Variants in TRMT10A observed in about 807,000 individuals in gnomAD.
The protein encoded by TRMT10A is tRNA methyltransferase 10A.
Under a neutral mutation model 40.4 loss-of-function variants are expected in TRMT10A, and 37 were observed. The observed-to-expected ratio is 0.92, with a 90% CI of 0.71 to 1.21. The LOEUF is 1.21. Ranked by LOEUF, TRMT10A falls within the 50% of genes most tolerant of loss-of-function variation. TRMT10A has a pLI of 0.00. For missense variants in TRMT10A, 388 were observed against 404.3 expected, an observed-to-expected ratio of 0.96 and a Z score of 0.35; for synonymous variants, 103 against 134.1, an observed-to-expected ratio of 0.77 and a Z score of 1.60.
Position 99,547,148 on chromosome 4 carries a change from T to C in TRMT10A, c.*1940A>G, listed in dbSNP as rs916927658. ...CCTAGAAAAAGAGTTTGGACACGGA[T>C]ACAAACATAGAAGACAGGGTAGAAG... is the stretch of plus-strand genomic sequence containing the variant. On this transcript the variant is annotated 3_prime_UTR_variant, in exon 8 of 8. Coordinates refer to ENST00000394876, the MANE Select transcript of TRMT10A (RefSeq NM_001134665.3). 16 of 152,096 alleles carry C rather than the reference T, an allele frequency of 1.1e-4. No homozygotes were observed. The highest frequency in any genetic ancestry group is 3.6e-4 in the African/African-American group (15 of 41,406). The allele number at this position is 152,096 out of a possible 1,614,324, so 9.4% of individuals were successfully genotyped here.
intron 7 of TRMT10A, among the ~76,000 whole-genome samples, chr4:99,550,504 CA>C (rs1326764295): frequency 6.6e-6 from 1 of 152,030 alleles, no homozygotes; most frequent in Non-Finnish European, 1.5e-5. Flanking sequence ...CCACCATTAA[CA>C]ATCATTCAAT....
At chr4:99,552,883 C>T (rs1194720562) in intron 6 of TRMT10A, among the ~76,000 whole-genome samples, 1 of 151,476 alleles carries the variant, frequency 6.6e-6, no homozygotes, top group Non-Finnish European at 1.5e-5. Flanking sequence ...GGTTTGCATA[C>T]TTGGTGGGGG....
intron 4 of TRMT10A, among the ~76,000 whole-genome samples, chr4:99,556,966 G>A (rs1314301434): frequency 6.6e-6 from 1 of 152,128 alleles, no homozygotes; most frequent in Non-Finnish European, 1.5e-5. Flanking sequence ...CTATACAACA[G>A]ATACCACGAC....
intron 1 of TRMT10A, among the ~76,000 whole-genome samples, chr4:99,559,856 C>T (rs1724315777): frequency 6.6e-6 from 1 of 151,948 alleles, no homozygotes; most frequent in Admixed American, 6.6e-5. Flanking sequence ...CTTATATATC[C>T]AAAAATATTT....
rs1210772610 is a variant in TRMT10A at position 99,548,872 on chromosome 4, C to G, written c.*216G>C. 2 of 418,994 alleles carry G rather than the reference C, an allele frequency of 4.8e-6. No individual in the cohort carries two copies. The highest frequency in any genetic ancestry group is 4.1e-5 in the Admixed American group (1 of 24,600). The allele number at this position is 418,994 out of a possible 1,614,324, so 26.0% of individuals were successfully genotyped here. On this transcript the variant is annotated 3_prime_UTR_variant, in exon 8 of 8. Transcript: ENST00000394876. ...CTTTAAAAACAAAAACAAAAAAAAT[C>G]ACATACACATTTAAATCTTCTTACG...
chr4:99,558,182 T>C lies in TRMT10A; in HGVS notation c.215A>G (p.Lys72Arg), dbSNP rs773921867. 4 of 1,599,454 alleles carry C rather than the reference T, an allele frequency of 2.5e-6. No homozygotes were observed. Among genetic ancestry groups the C allele is most frequent in the Non-Finnish European group, 2.6e-6 (3 of 1,176,264 alleles). Residue 72 changes from lysine (K) to arginine (R), a missense_variant, in exon 3 of 8, where the codon AAA (lysine) becomes AGA (arginine). Physicochemically the swap from Lys to Arg is conservative, Grantham distance 26 (BLOSUM62 2). Transcript: ENST00000394876. Reference sequence around the variant, plus strand: ...CATTTGACATTGTCGCTCTAATTTTTTCCTCTTGCGTTTTTCTTTTCGCTT... The same window carrying C: ...CATTTGACATTGTCGCTCTAATTTTCTCCTCTTGCGTTTTTCTTTTCGCTT... ...KQKRKEKRKR[K>R]KLERQCQMEP...
intron 2 of TRMT10A, among the ~76,000 whole-genome samples, chr4:99,558,610 A>C (rs1416854157): frequency 6.6e-6 from 1 of 152,108 alleles, no homozygotes; most frequent in Non-Finnish European, 1.5e-5. Flanking sequence ...TTGTTCATTA[A>C]AAAAATTACA....
rs563317995 is a variant in TRMT10A, at chr4:99,546,721, C to T, written c.*2367G>A. On this transcript the variant is annotated 3_prime_UTR_variant, in exon 8 of 8. Transcript: ENST00000394876. ...TTCAGCAGACATATATTTTTTGATGCATTTATTTAGGTAGTTTAATTCTCT... is the reference window on the plus strand; with the variant it reads ...TTCAGCAGACATATATTTTTTGATGTATTTATTTAGGTAGTTTAATTCTCT... 20 of 152,060 alleles carry T rather than the reference C, an allele frequency of 1.3e-4. No individual in the cohort carries two copies. The highest frequency in any genetic ancestry group is 1.3e-3 in the Admixed American group (20 of 15,250). The allele number at this position is 152,060 out of a possible 1,614,324, so 9.4% of individuals were successfully genotyped here.
intron 1 of TRMT10A, among the ~76,000 whole-genome samples, chr4:99,561,371 C>T (rs570362527): frequency 6.6e-6 from 1 of 152,176 alleles, no homozygotes; most frequent in East Asian, 1.9e-4. Flanking sequence ...TTTAATATGA[C>T]CTGTCATAGT....
At chr4:99,556,426 C>G (rs981307296) in intron 4 of TRMT10A, among the ~76,000 whole-genome samples, 1 of 152,094 alleles carries the variant, frequency 6.6e-6, no homozygotes, top group Admixed American at 6.6e-5. Context: ...TTTCATAACC[C>G]AGTAGCTGCA....
chr4:99,550,431 C>T (rs1259119802), intron 7 of TRMT10A, among the ~76,000 whole-genome samples: 1 of 152,190 alleles, frequency 6.6e-6, no homozygotes, highest in African/African-American at 2.4e-5. Context: ...CTTAAGCAAT[C>T]TGTCTGCCTC....
chr4:99,562,490 C>G (rs7656665), intron 1 of TRMT10A, among the ~76,000 whole-genome samples: 38,453 of 143,400 alleles, frequency 0.27, 5,204 homozygotes, highest in South Asian at 0.35. Flanking sequence ...GAATTAATGA[C>G]TTGACAGCGA....
chr4:99,550,818 C>T, intron 7 of TRMT10A, 67 bp downstream of exon 7: 1 of 1,143,850 alleles, frequency 8.7e-7, no homozygotes, highest in Non-Finnish European at 1.3e-6. Flanking sequence ...TGTTCAAATA[C>T]TAAATGTAAT....
Position 99,548,811 on chromosome 4 carries a change from T to A in TRMT10A, c.*277A>T, listed in dbSNP as rs1230627798. 1 of 283,340 alleles carries A rather than the reference T, an allele frequency of 3.5e-6. No individual in the cohort carries two copies. The highest frequency in any genetic ancestry group is 2.2e-5 in the African/African-American group (1 of 45,206). 17.6% of individuals were successfully genotyped at this position (283,340 alleles called of 1,614,324 possible). A position where few individuals can be genotyped will look rare whatever the true frequency, so the allele number is the denominator to read the frequency against. Reference sequence around the variant, plus strand: ...TATAAAATGAAAGAAAATGAAAATATACTAATACAGTAAAATTATCTAGAA... The same window carrying A: ...TATAAAATGAAAGAAAATGAAAATAAACTAATACAGTAAAATTATCTAGAA... On this transcript the variant is annotated 3_prime_UTR_variant, in exon 8 of 8. Transcript: ENST00000394876.
In TRMT10A at chr4:99,548,909, A is replaced by C. The variant is rs1723844714; in HGVS notation, c.*179T>G. ...TAAATCTTCTTACGCAAAATCAAAA[A>C]ATATTTCCTTACAAAGTTTAAAGGG... On this transcript the variant is annotated 3_prime_UTR_variant, in exon 8 of 8. Coordinates refer to ENST00000394876, the MANE Select transcript of TRMT10A (RefSeq NM_001134665.3). The C allele has an allele frequency of 3.4e-6, 2 of 596,608 alleles. No homozygotes were observed. The highest frequency in any genetic ancestry group is 3.8e-5 in the African/African-American group (2 of 52,570). The allele number at this position is 596,608 out of a possible 1,614,324, so 37.0% of individuals were successfully genotyped here.
chr4:99,556,224 A>G lies in TRMT10A; in HGVS notation c.421-4T>C. ...CTCCGTGGCTTGTCAAGTAAAACTG[A>G]TAAAAGATTTGTAAGTATAGAAAAA... On this transcript the variant is annotated splice_region_variant and splice_polypyrimidine_tract_variant and intron_variant, in intron 4 of 7. Transcript: ENST00000394876. 6.2e-7 allele frequency: 1 copy of G among 1,612,338 alleles called. No individual in the cohort carries two copies. Among genetic ancestry groups the G allele is most frequent in the Non-Finnish European group, 8.5e-7 (1 of 1,179,010 alleles).
At chr4:99,561,470 A>G (rs549582703) in intron 1 of TRMT10A, among the ~76,000 whole-genome samples, 1 of 152,222 alleles carries the variant, frequency 6.6e-6, no homozygotes, top group Non-Finnish European at 1.5e-5. Context: ...TTTAAAAACT[A>G]TTCCTAACTA....
chr4:99,563,158 G>A (rs935557872), intron 1 of TRMT10A, among the ~76,000 whole-genome samples: 6 of 152,216 alleles, frequency 3.9e-5, no homozygotes, highest in Non-Finnish European at 7.4e-5. Flanking sequence ...ACTAAACGTG[G>A]AGGAGCGAAA....
intron 3 of TRMT10A, 188 bp downstream of exon 3, chr4:99,557,861 C>G (rs952498391): frequency 1.8e-6 from 1 of 565,450 alleles, no homozygotes; most frequent in African/African-American, 1.9e-5. Flanking sequence ...CACACATACA[C>G]ACATATATAA....
Sources: allele counts gnomAD v4.1 joint callset (sites outside exome capture counted in the v4.1 genomes callset), GRCh38; gene constraint gnomAD v4.1.1; transcripts MANE v1.5; gene names NCBI Gene and HGNC (gene_info 2026-07-23, HGNC 2026-07-21).